CORO7: variants seen among roughly 807,000 people sequenced by gnomAD.
CORO7 encodes coronin 7.
A neutral mutation model predicts 126.6 loss-of-function variants in CORO7; 107 were observed. The ratio of observed to expected loss-of-function variants is 0.85; its 90% CI spans 0.72 to 0.99. The LOEUF (loss-of-function observed/expected upper bound fraction) is 0.99, where lower values mean the gene tolerates loss of function less well. CORO7 is among the 50% of genes least tolerant of loss of function. The probability of loss-of-function intolerance (pLI) is 0.00; values close to 1 mark genes in which losing one functional copy is unlikely to be tolerated. For missense variants in CORO7, 1,314 were observed against 1,255.8 expected (o/e 1.05, Z -0.70); for synonymous variants, 603 against 536.8 (o/e 1.12, Z -1.70).
chr16:4,402,851 G>A (rs372614240), intron 6 of CORO7, among the ~76,000 whole-genome samples: 2 of 152,154 alleles, frequency 1.3e-5, no homozygotes, highest in East Asian at 1.9e-4. Flanking sequence ...GCCCCCTAGC[G>A]GCCTCCTGCC....
chr16:4,357,468 T>C (rs113540681), intron 25 of CORO7: 6,694 of 523,774 alleles, frequency 0.013, 77 homozygotes, highest in Non-Finnish European at 0.017. Context: ...CAAGCGATTC[T>C]CCTGCTTCAG....
intron 9 of CORO7, chr16:4,381,386 G>T: frequency 6.3e-7 from 1 of 1,587,934 alleles, no homozygotes; most frequent in Non-Finnish European, 8.6e-7. Context: ...CGCCTGCCCC[G>T]CCTGCTGCTG....
Position 4,355,309 on chromosome 16 carries a change from C to T in CORO7, c.2749G>A (p.Glu917Lys). Residue 917 changes from glutamate to lysine, a missense_variant, in exon 27 of 28, where the codon GAA becomes AAA. Transcript: ENST00000251166. Reference sequence around the variant, plus strand: ...ACCCACTCGTCCTCGTCCACGCCTTCAAAGGAGTCCTGGGGGAGTGGGTCC... The same window carrying T: ...ACCCACTCGTCCTCGTCCACGCCTTTAAAGGAGTCCTGGGGGAGTGGGTCC... The part of the protein sequence containing the change: ...REDPLPQDSF[E>K]GVDEDEWD 1 of 1,613,466 alleles carries T rather than the reference C, an allele frequency of 6.2e-7. No individual in the cohort carries two copies.
At position 4,362,309 on chromosome 16, in the gene CORO7, A is replaced by C; in HGVS notation, c.1403-149T>G. 8.2e-7 allele frequency: 1 copy of C among 1,217,400 alleles called. No homozygotes were observed. The highest frequency in any genetic ancestry group is 1.1e-6 in the Non-Finnish European group (1 of 894,000). The allele number at this position is 1,217,400 out of a possible 1,614,324, so 75.4% of individuals were successfully genotyped here. On this transcript the variant is annotated intron_variant, in intron 15 of 27. Transcript: ENST00000251166. This position sits in a 1 kb window ranked among gnomAD's most constrained non-coding sequence, Gnocchi z 5.3. ...AGGCCTTTGCTAATCCAGTGGATGC[A>C]ACTCGCCCAGGAATAATGTCTGGAA...
At chr16:4,395,610 C>G (rs1382223319) in intron 6 of CORO7, among the ~76,000 whole-genome samples, 1 of 152,196 alleles carries the variant, frequency 6.6e-6, no homozygotes, top group Non-Finnish European at 1.5e-5. Context: ...GAGACCTGCT[C>G]CACGTCAGGC....
chr16:4,381,477 T>C (rs2141245773), intron 9 of CORO7: 1 of 1,584,166 alleles, frequency 6.3e-7, no homozygotes, highest in Non-Finnish European at 8.6e-7. Context: ...TGCGGCTGGC[T>C]GGTCTGGGGC....
intron 7 of CORO7, among the ~76,000 whole-genome samples, chr16:4,390,618 C>T (rs950452957): frequency 3.3e-5 from 5 of 152,176 alleles, no homozygotes; most frequent in Non-Finnish European, 7.4e-5. Context: ...CCTGCAGGGT[C>T]CCCCAGGGGC....
chr16:4,366,518 C>A (rs1476916038), intron 9 of CORO7, among the ~76,000 whole-genome samples: 2 of 145,460 alleles, frequency 1.4e-5, no homozygotes, highest in Non-Finnish European at 3.0e-5. Context: ...TCCTGTGTTT[C>A]TTGCTCCTGA....
chr16:4,415,832 T>C (rs2056388041), intron 1 of CORO7: 1 of 985,294 alleles, frequency 1.0e-6, no homozygotes, highest in Admixed American at 6.1e-5. Flanking sequence ...CAGCAATTCT[T>C]TGGGGCTCCA....
intron 3 of CORO7, 144 bp downstream of exon 3, chr16:4,412,212 C>A: frequency 1.2e-6 from 1 of 847,208 alleles, no homozygotes; most frequent in Non-Finnish European, 1.9e-6. Context: ...CTGAGCCCCA[C>A]TGTCTCTCAG....
chr16:4,404,636 G>A (rs191631412), intron 6 of CORO7, among the ~76,000 whole-genome samples: 10 of 152,114 alleles, frequency 6.6e-5, no homozygotes, highest in African/African-American at 1.7e-4. Context: ...CTCCTCTAGC[G>A]CCCCCTCTCT....
chr16:4,408,139 G>A lies in CORO7; in HGVS notation c.303+42C>T, dbSNP rs372505523. ...TGGGGCTCAGAAGGCCCTGGACTAC[G>A]GGCTGGGACATAGAGCAGCTCTTCC... On this transcript the variant is annotated intron_variant, in intron 4 of 27. Transcript: ENST00000251166. The A allele has an allele frequency of 4.3e-4, 697 of 1,613,746 alleles. 4 individuals carry two copies. Among genetic ancestry groups the A allele is most frequent in the South Asian group, 1.4e-3 (126 of 91,072 alleles).
At chr16:4,414,956 G>A (rs12444174) in intron 1 of CORO7, among the ~76,000 whole-genome samples, 7,660 of 151,972 alleles carry the variant, frequency 0.05, 235 homozygotes, top group Admixed American at 0.1. Context: ...CCACTTCCTC[G>A]GCTCAAGAGA....
intron 2 of CORO7, 27 bp from the exon 3 acceptor site, chr16:4,412,457 CT>C (rs768235710): frequency 6.5e-5 from 105 of 1,613,384 alleles, no homozygotes; most frequent in Non-Finnish European, 8.6e-5. Flanking sequence ...GGGACTCTGA[CT>C]TCAGGCCCCA....
In CORO7 at chr16:4,357,462, C is replaced by T. The variant is rs111506240; in HGVS notation, c.2594-203G>A. On this transcript the variant is annotated intron_variant, in intron 25 of 27. Coordinates refer to ENST00000251166, the MANE Select transcript of CORO7 (RefSeq NM_024535.5). ...AACCTCCGCCTCCTCTGGGTTCAAGCGATTCTCCTGCTTCAGCCTCTGGAG... is the reference window on the plus strand; with the variant it reads ...AACCTCCGCCTCCTCTGGGTTCAAGTGATTCTCCTGCTTCAGCCTCTGGAG... 2,731 of 533,034 alleles carry T rather than the reference C, an allele frequency of 5.1e-3. 16 individuals carry two copies. The highest frequency in any genetic ancestry group is 8.5e-3 in the Middle Eastern group (17 of 2,004). The allele number at this position is 533,034 out of a possible 1,614,324, so 33.0% of individuals were successfully genotyped here.
At chr16:4,387,543 C>G (rs1186199490) in intron 9 of CORO7, among the ~76,000 whole-genome samples, 1 of 150,390 alleles carries the variant, frequency 6.6e-6, no homozygotes, top group African/African-American at 2.5e-5. Context: ...CCTCCACCTC[C>G]ACCTCCACCC....
intron 6 of CORO7, among the ~76,000 whole-genome samples, chr16:4,398,278 T>C (rs1314942232): frequency 6.6e-6 from 1 of 152,126 alleles, no homozygotes; most frequent in Non-Finnish European, 1.5e-5. Context: ...TGAAAATATG[T>C]TCAATATCAC....
chr16:4,382,871 C>T (rs2055049610), intron 9 of CORO7: 4 of 1,557,244 alleles, frequency 2.6e-6, no homozygotes, highest in Non-Finnish European at 3.5e-6. Flanking sequence ...GGCCTCCAGT[C>T]ACCCCTCCAC....
chr16:4,412,554 A>C, intron 2 of CORO7, 124 bp from the exon 3 acceptor site: 1 of 950,910 alleles, frequency 1.1e-6, no homozygotes, highest in Non-Finnish European at 1.6e-6. Context: ...TCTACCAATC[A>C]CAAGATCATA....
Sources: gnomAD v4.1 joint callset for allele counts (sites outside exome capture counted in the v4.1 genomes callset) on GRCh38, gnomAD v4.1.1 for gene constraint, Gnocchi (gnomAD v3.1) non-coding constraint, MANE v1.5 for transcripts, NCBI Gene and HGNC (gene_info 2026-07-23, HGNC 2026-07-21) for gene names.